Variants in TAFA5 observed in about 807,000 individuals in gnomAD.
TAFA5 encodes TAFA chemokine like family member 5.
A neutral mutation model predicts 15.3 loss-of-function variants in TAFA5; 6 were observed. The observed-to-expected ratio is 0.39, with a 90% CI of 0.21 to 0.77. The LOEUF (loss-of-function observed/expected upper bound fraction) is 0.77, where lower values mean the gene tolerates loss of function less well. Ranked by LOEUF, TAFA5 falls within the 30% of genes least tolerant of loss-of-function variation. The probability of loss-of-function intolerance (pLI) is 0.41; values close to 1 mark genes in which losing one functional copy is unlikely to be tolerated. For synonymous variants in TAFA5, 103 were observed against 80.7 expected (o/e 1.28, Z -1.48); for missense variants, 161 against 193.1 (o/e 0.83, Z 0.98).
intron 1 of TAFA5, among the ~76,000 whole-genome samples, chr22:48,625,126 A>AAG (rs894030826): frequency 4.6e-5 from 7 of 151,030 alleles, no homozygotes; most frequent in Non-Finnish European, 8.9e-5. Flanking sequence ...AAAAAAAAAA[A>AAG]AGAGAGAGAG....
At chr22:48,521,024 G>A (rs1462248292) in intron 1 of TAFA5, among the ~76,000 whole-genome samples, 3 of 152,194 alleles carry the variant, frequency 2.0e-5, no homozygotes, top group Non-Finnish European at 4.4e-5. Context: ...CTTTGTAGGG[G>A]ATGTGTGCGT....
At chr22:48,584,324 A>G (rs1036511236) in intron 1 of TAFA5, among the ~76,000 whole-genome samples, 6 of 148,968 alleles carry the variant, frequency 4.0e-5, no homozygotes, top group African/African-American at 1.5e-4. Flanking sequence ...CACAAAATAC[A>G]CCACACAGAT....
intron 3 of TAFA5, among the ~76,000 whole-genome samples, chr22:48,730,907 G>A (rs750669324): frequency 5.9e-5 from 9 of 152,220 alleles, no homozygotes; most frequent in Middle Eastern, 3.4e-3. Flanking sequence ...AGGAAGAGGC[G>A]TCCGTCTCTC....
intron 3 of TAFA5, among the ~76,000 whole-genome samples, chr22:48,744,548 C>A (rs1279714836): frequency 6.6e-6 from 1 of 152,154 alleles, no homozygotes; most frequent in Non-Finnish European, 1.5e-5. Context: ...CTCAGCCCTG[C>A]AGCCTTGGGG....
intron 3 of TAFA5, among the ~76,000 whole-genome samples, chr22:48,731,001 G>T (rs973276372): frequency 6.6e-6 from 1 of 152,144 alleles, no homozygotes; most frequent in Non-Finnish European, 1.5e-5. Flanking sequence ...TAGGCCTCTC[G>T]CACCAGTCAG....
intron 1 of TAFA5, among the ~76,000 whole-genome samples, chr22:48,563,343 C>T (rs1365284382): frequency 2.0e-5 from 3 of 152,198 alleles, no homozygotes; most frequent in Non-Finnish European, 4.4e-5. Context: ...AGCTGTCCTC[C>T]AGTGGGGACC....
At chr22:48,637,328 G>A (rs941704373) in intron 1 of TAFA5, among the ~76,000 whole-genome samples, 2 of 152,114 alleles carry the variant, frequency 1.3e-5, no homozygotes, top group Non-Finnish European at 2.9e-5. Context: ...GCACACATGT[G>A]CACACATGTG....
At chr22:48,563,918 C>G (rs759670815) in intron 1 of TAFA5, among the ~76,000 whole-genome samples, 1 of 152,234 alleles carries the variant, frequency 6.6e-6, no homozygotes, top group African/African-American at 2.4e-5. Flanking sequence ...TTTCCTGGAG[C>G]CGGGCATCCT....
intron 2 of TAFA5, among the ~76,000 whole-genome samples, chr22:48,688,606 C>T (rs1928438251): frequency 6.6e-6 from 1 of 152,254 alleles, no homozygotes; most frequent in East Asian, 1.9e-4. Flanking sequence ...TGGCCGGCTC[C>T]TCCCTGGGTT....
In TAFA5 at chr22:48,684,849, C is replaced by T. The variant is rs150688536; in HGVS notation, c.263-22868C>T. Among the ~76,000 whole-genome samples, 309 of 152,320 alleles carry T rather than the reference C, an allele frequency of 2.0e-3. 1 individual carries two copies. The highest frequency in any genetic ancestry group is 3.8e-3 in the Non-Finnish European group (256 of 68,028). ...TGCCCGGCACTTACCTCTCGGGGTG[C>T]GGCTCCCAGAGGAGCTTCCCAGAGC... On this transcript the variant is annotated intron_variant, in intron 2 of 3. Coordinates refer to ENST00000402357, the MANE Select transcript of TAFA5 (RefSeq NM_001082967.3).
intron 3 of TAFA5, among the ~76,000 whole-genome samples, chr22:48,747,942 G>A (rs1930376442): frequency 6.6e-6 from 1 of 151,784 alleles, no homozygotes; most frequent in African/African-American, 2.4e-5. Context: ...TCATACAGCA[G>A]GCTCCTCCTG....
chr22:48,517,135 A>T (rs563020088), intron 1 of TAFA5, among the ~76,000 whole-genome samples: 11 of 152,224 alleles, frequency 7.2e-5, no homozygotes, highest in African/African-American at 2.6e-4. Context: ...CAGCCCCGGA[A>T]GCTCCTGCTC....
intron 1 of TAFA5, among the ~76,000 whole-genome samples, chr22:48,601,871 G>A (rs1798012864): frequency 6.6e-6 from 1 of 152,204 alleles, no homozygotes; most frequent in African/African-American, 2.4e-5. Context: ...AGCAGTGTGC[G>A]GCGAGTGGCC....
In TAFA5 at chr22:48,511,384, C is replaced by T. The variant is rs1601841356; in HGVS notation, c.112+21680C>T. Among the ~76,000 whole-genome samples the T allele has an allele frequency of 2.6e-5, 4 of 152,320 alleles. No individual in the cohort carries two copies. The South Asian group carries it at 8.3e-4, about 32-fold the overall frequency. On this transcript the variant is annotated intron_variant, in intron 1 of 3. Coordinates refer to ENST00000402357, the MANE Select transcript of TAFA5 (RefSeq NM_001082967.3). ...GCTTCCTCCTCCTCCTCCTCCTCCTCACTGTCTCCTGGGGCTGTGCGTCTG... is the reference window on the plus strand; with the variant it reads ...GCTTCCTCCTCCTCCTCCTCCTCCTTACTGTCTCCTGGGGCTGTGCGTCTG...
intron 3 of TAFA5, among the ~76,000 whole-genome samples, chr22:48,722,676 C>CA (rs130189): frequency 1.3e-5 from 2 of 151,914 alleles, no homozygotes; most frequent in Admixed American, 6.6e-5. Flanking sequence ...GCACGTTCTG[C>CA]CATGTACCCC....
chr22:48,660,687 C>T (rs1927405489), intron 2 of TAFA5, among the ~76,000 whole-genome samples: 1 of 152,192 alleles, frequency 6.6e-6, no homozygotes, highest in East Asian at 1.9e-4. Context: ...GTGCTGGGAT[C>T]GCCCCACTGG....
At chr22:48,724,830 G>A (rs8139668) in intron 3 of TAFA5, among the ~76,000 whole-genome samples, 30,694 of 152,222 alleles carry the variant, frequency 0.2, 3,394 homozygotes, top group Admixed American at 0.31. Context: ...CCACCCAGGG[G>A]GCATCCCCTG....
At chr22:48,628,238 G>A (rs531398313) in intron 1 of TAFA5, among the ~76,000 whole-genome samples, 1 of 152,338 alleles carries the variant, frequency 6.6e-6, no homozygotes, top group South Asian at 2.1e-4. Flanking sequence ...GCCCAGGCCA[G>A]GCGCGTGGGG....
At chr22:48,519,294 G>A (rs767749365) in intron 1 of TAFA5, among the ~76,000 whole-genome samples, 23 of 152,232 alleles carry the variant, frequency 1.5e-4, no homozygotes, top group Non-Finnish European at 2.1e-4. Flanking sequence ...CAAGAATCCC[G>A]CGTCTTCCCT....
Sources: gnomAD v4.1 joint callset for allele counts (sites outside exome capture counted in the v4.1 genomes callset) on GRCh38, gnomAD v4.1.1 for gene constraint, MANE v1.5 for transcripts, NCBI Gene and HGNC (gene_info 2026-07-23, HGNC 2026-07-21) for gene names.